Variants in TSPAN1 observed in about 807,000 individuals in gnomAD.
TSPAN1 encodes tetraspanin-1.
In TSPAN1, 23 loss-of-function variants were observed where a neutral mutation model predicts 26.9. The ratio of observed to expected loss-of-function variants is 0.85; its 90% CI spans 0.62 to 1.21. The LOEUF (loss-of-function observed/expected upper bound fraction) is 1.21, where lower values mean the gene tolerates loss of function less well. Among genes scored for constraint, TSPAN1 ranks in the 50% most tolerant of loss-of-function variants. The probability of loss-of-function intolerance (pLI) is 0.00; values close to 1 mark genes in which losing one functional copy is unlikely to be tolerated. For missense variants in TSPAN1, 283 were observed against 298.4 expected (o/e 0.95, Z 0.38); for synonymous variants, 115 against 114.8 (o/e 1.00, Z -0.01).
At position 46,178,407 on chromosome 1, in the gene TSPAN1, T is replaced by G. The variant is rs199500517; in HGVS notation, c.-141-2119T>G. ...TCTCCTTCCACTCCTCAGTCCCTTC[T>G]TCCTTTCCCCCTTACTCTGCTCCTC... On this transcript the variant is annotated intron_variant, in intron 1 of 8. Coordinates refer to ENST00000372003, the MANE Select transcript of TSPAN1 (RefSeq NM_005727.4). 3.8e-4 allele frequency among the ~76,000 whole-genome samples: 58 copies of G among 151,570 alleles called. No homozygotes were observed. In the East Asian group the frequency reaches 0.011, roughly 28 times the overall value.
downstream of TSPAN1, chr1:46,188,768 G>A (rs377163612): frequency 3.2e-5 from 51 of 1,612,842 alleles, no homozygotes; most frequent in African/African-American, 6.1e-4. Flanking sequence ...AGGAGGCCTG[G>A]TCCAGTGTCT....
At chr1:46,192,397 G>A in the TSPAN1 span, 30 of 1,614,042 alleles carry the variant, frequency 1.9e-5, no homozygotes, top group African/African-American at 2.7e-5. Flanking sequence ...GTCTCCACAC[G>A]GTACAGTAGT....
chr1:46,195,929 C>T, the TSPAN1 span: 9 of 1,613,988 alleles, frequency 5.6e-6, no homozygotes, highest in East Asian at 1.1e-4. Flanking sequence ...GTGGCCCTGG[C>T]AGGGGATATA....
At chr1:46,191,965 A>C in the TSPAN1 span, 52 of 1,385,652 alleles carry the variant, frequency 3.8e-5, no homozygotes, top group Admixed American at 9.9e-5. Flanking sequence ...AAAGAAACTG[A>C]GGCAAAAATA....
At chr1:46,177,180 C>G (rs531850468) in intron 1 of TSPAN1, among the ~76,000 whole-genome samples, 34 of 151,904 alleles carry the variant, frequency 2.2e-4, no homozygotes, top group Non-Finnish European at 4.6e-4. Flanking sequence ...ACTAAAAATA[C>G]AAAAATTAGC....
In TSPAN1 at chr1:46,184,307, C is replaced by T; in HGVS notation, c.174C>T (p.Tyr58=). The T allele has an allele frequency of 6.2e-7, 1 of 1,614,218 alleles. No homozygotes were observed. The highest frequency in any genetic ancestry group is 1.7e-5 in the Admixed American group (1 of 60,030). Residue 58 remains tyrosine, a synonymous_variant, in exon 4 of 9, where the codon TAC becomes TAT. Coordinates refer to ENST00000372003, the MANE Select transcript of TSPAN1 (RefSeq NM_005727.4). ...CCATGCAGTTTGTCAACGTGGGCTA[C>T]TTCCTCATCGCAGCCGGCGTTGTGG... ...SSAMQFVNVG[Y]FLIAAGVVVF... is the part of the protein sequence containing the mutation.
chr1:46,194,041 T>A, the TSPAN1 span: 2 of 1,556,640 alleles, frequency 1.3e-6, no homozygotes, highest in African/African-American at 1.3e-5. Flanking sequence ...AGGGAAGGGA[T>A]AGAGGATCTT....
chr1:46,181,350 G>A (rs1174533093), intron 3 of TSPAN1, among the ~76,000 whole-genome samples, 186 bp downstream of exon 3: 1 of 152,196 alleles, frequency 6.6e-6, no homozygotes, highest in African/African-American at 2.4e-5. Flanking sequence ...CAGCCAGGCT[G>A]CCATACAGGT....
rs184633285 is a variant in TSPAN1 at position 46,176,090 on chromosome 1, T to A, written c.-142+681T>A. The A allele has an allele frequency of 1.2e-4, 107 of 895,302 alleles. No individual in the cohort carries two copies. The African/African-American group carries it at 1.4e-3, about 12-fold the overall frequency. 55.5% of individuals were successfully genotyped at this position (895,302 alleles called of 1,614,324 possible). A position where few individuals can be genotyped will look rare whatever the true frequency, so the allele number is the denominator to read the frequency against. Reference sequence around the variant, plus strand: ...TGGGATTTCACCGTGTTAGCCAGGATGGTCTCGATCTCCTGACCTTGTGAT... The same window carrying A: ...TGGGATTTCACCGTGTTAGCCAGGAAGGTCTCGATCTCCTGACCTTGTGAT... On this transcript the variant is annotated intron_variant, in intron 1 of 8. Transcript: ENST00000372003.
rs1431798200 is a variant in TSPAN1, at chr1:46,184,526, G to C, written c.265-68G>C. 12 of 1,605,746 alleles carry C rather than the reference G, an allele frequency of 7.5e-6. No homozygotes were observed. In the East Asian group the frequency reaches 1.8e-4, roughly 24 times the overall value. ...GCTTCTGTCTCACTTTTCCGGGGGG[G>C]GGATTAGGGCAAGGAGGGCATGAGG... is the stretch of plus-strand genomic sequence containing the variant. On this transcript the variant is annotated intron_variant, in intron 4 of 8. Coordinates refer to ENST00000372003, the MANE Select transcript of TSPAN1 (RefSeq NM_005727.4).
At chr1:46,195,070 T>C in the TSPAN1 span, 7 of 938,508 alleles carry the variant, frequency 7.5e-6, no homozygotes, top group Non-Finnish European at 1.2e-5. Flanking sequence ...CTCATTACAT[T>C]ATTGCAATAA....
the TSPAN1 span, chr1:46,192,234 T>G: frequency 5.6e-5 from 90 of 1,614,080 alleles, no homozygotes; most frequent in Non-Finnish European, 7.2e-5. Flanking sequence ...CTGGCAGACA[T>G]GGACCACGAT....
At chr1:46,194,801 A>G in the TSPAN1 span, 1 of 1,613,546 alleles carries the variant, frequency 6.2e-7, no homozygotes, top group Non-Finnish European at 8.5e-7. Context: ...TGCTCCTCCC[A>G]GGCTCTTGAT....
chr1:46,194,675 C>T, the TSPAN1 span: 6 of 1,614,240 alleles, frequency 3.7e-6, no homozygotes, highest in Admixed American at 6.7e-5. Context: ...GGAATGAGGG[C>T]CATGGGGGCC....
At position 46,184,923 on chromosome 1, in the gene TSPAN1, A is replaced by C. The variant is rs781549439; in HGVS notation, c.439-37A>C. 4 of 1,614,056 alleles carry C rather than the reference A, an allele frequency of 2.5e-6. No homozygotes were observed. In the East Asian group the frequency reaches 6.7e-5, roughly 27 times the overall value. On this transcript the variant is annotated intron_variant, in intron 6 of 8. Transcript: ENST00000372003. ...GGGAGGTTTTAGGGTGGAGAGAAAG[A>C]AGCAAGGCCCCACCTCCACCCTCAT...
chr1:46,193,184 T>C, the TSPAN1 span: 39 of 1,613,954 alleles, frequency 2.4e-5, no homozygotes, highest in African/African-American at 3.3e-4. Context: ...CGGAAACAGG[T>C]TGAAAGTGGC....
chr1:46,194,353 C>A, the TSPAN1 span: 2 of 1,614,098 alleles, frequency 1.2e-6, no homozygotes, highest in East Asian at 4.5e-5. Context: ...GCTGCAGAAG[C>A]GCCGGCGGCG....
chr1:46,185,384 G>C (rs1398288065), intron 8 of TSPAN1, 76 bp downstream of exon 8: 2 of 1,609,024 alleles, frequency 1.2e-6, no homozygotes, highest in Non-Finnish European at 1.7e-6. Flanking sequence ...GGCCTCTCTG[G>C]AGGAAACAGA....
downstream of TSPAN1, chr1:46,189,025 T>G: frequency 6.3e-7 from 1 of 1,576,170 alleles, no homozygotes; most frequent in Non-Finnish European, 8.6e-7. Context: ...CTGCTAGGGA[T>G]CGTAATGATT....
Sources: gnomAD v4.1 joint callset for allele counts (sites outside exome capture counted in the v4.1 genomes callset) on GRCh38, gnomAD v4.1.1 for gene constraint, MANE v1.5 for transcripts, NCBI Gene and HGNC (gene_info 2026-07-23, HGNC 2026-07-21) for gene names.